The following ABTB3 variants were observed in gnomAD, a reference collection of about 807,000 sequenced individuals.
The protein encoded by ABTB3 is ankyrin repeat- and BTB/POZ domain-containing protein 3.
At chr12:107,599,600 C>T in the ABTB3 span, among the ~76,000 whole-genome samples, 2 of 152,258 alleles carry the variant, frequency 1.3e-5, no homozygotes, top group African/African-American at 2.4e-5. Context: ...CATTTCTCCC[C>T]GCTAGGTACC....
chr12:107,485,777 T>C, the ABTB3 span, among the ~76,000 whole-genome samples: 1 of 152,238 alleles, frequency 6.6e-6, no homozygotes, highest in African/African-American at 2.4e-5. Flanking sequence ...TAGTTGAAAT[T>C]ATTTTAGTGA....
At chr12:107,320,307 C>T in the ABTB3 span, among the ~76,000 whole-genome samples, 3 of 152,242 alleles carry the variant, frequency 2.0e-5, no homozygotes, top group South Asian at 6.2e-4. Flanking sequence ...GCGCGAGGTT[C>T]CGCCCCCGGT....
the ABTB3 span, among the ~76,000 whole-genome samples, chr12:107,335,338 G>A: frequency 2.5e-5 from 3 of 118,688 alleles, no homozygotes; most frequent in African/African-American, 9.0e-5. Context: ...CAGCAGCATC[G>A]ATGTACTTAT....
At chr12:107,421,930 A>T in the ABTB3 span, among the ~76,000 whole-genome samples, 1 of 152,242 alleles carries the variant, frequency 6.6e-6, no homozygotes, top group Non-Finnish European at 1.5e-5. Flanking sequence ...TCTTCTGGAC[A>T]CTGAGCTACA....
chr12:107,467,143 A>G, the ABTB3 span, among the ~76,000 whole-genome samples: 15 of 152,158 alleles, frequency 9.9e-5, no homozygotes, highest in Non-Finnish European at 5.9e-5. Context: ...TGTTGTTGGT[A>G]TAATGAGCTC....
chr12:107,568,275 G>T, the ABTB3 span, among the ~76,000 whole-genome samples: 14 of 152,176 alleles, frequency 9.2e-5, no homozygotes, highest in African/African-American at 3.1e-4. Flanking sequence ...TAAGCATTCT[G>T]CACAGGGCCT....
At chr12:107,457,265 T>C in the ABTB3 span, among the ~76,000 whole-genome samples, 1 of 152,300 alleles carries the variant, frequency 6.6e-6, no homozygotes. Flanking sequence ...TCATCTTTGA[T>C]GGTAATGGTT....
At chr12:107,318,444 C>T in the ABTB3 span, 1,622 of 153,640 alleles carry the variant, frequency 0.011, 23 homozygotes, top group African/African-American at 0.036. Flanking sequence ...GCCACGGCCG[C>T]TGCTGCGCTC....
chr12:107,533,786 C>T, the ABTB3 span, among the ~76,000 whole-genome samples: 2 of 152,174 alleles, frequency 1.3e-5, no homozygotes, highest in East Asian at 3.8e-4. Context: ...ATTTAACAGA[C>T]ATTATACAAC....
At chr12:107,657,965 G>A in the ABTB3 span, 1 of 543,548 alleles carries the variant, frequency 1.8e-6, no homozygotes. Context: ...AGCACCCCTA[G>A]GACCATTGAA....
At chr12:107,385,231 G>A in the ABTB3 span, among the ~76,000 whole-genome samples, 6 of 152,336 alleles carry the variant, frequency 3.9e-5, no homozygotes, top group East Asian at 1.2e-3. Flanking sequence ...GACACGAACA[G>A]GCTCTGTCCT....
At chr12:107,387,971 TC>T in the ABTB3 span, among the ~76,000 whole-genome samples, 313 of 115,460 alleles carry the variant, frequency 2.7e-3, 4 homozygotes, top group South Asian at 5.3e-3. Flanking sequence ...TTCTTCTTCT[TC>T]TTTTTTTTTT....
the ABTB3 span, among the ~76,000 whole-genome samples, chr12:107,569,799 G>A: frequency 6.6e-6 from 1 of 152,226 alleles, no homozygotes; most frequent in Admixed American, 6.5e-5. Flanking sequence ...TAGCCTGGAA[G>A]TAAAAAATCC....
chr12:107,357,843 ATGGTAGT>A, the ABTB3 span, among the ~76,000 whole-genome samples: 1 of 152,216 alleles, frequency 6.6e-6, no homozygotes, highest in Non-Finnish European at 1.5e-5. Flanking sequence ...AGGATGAGAG[ATGGTAGT>A]TGGTATTTCT....
At chr12:107,362,587 G>C in the ABTB3 span, among the ~76,000 whole-genome samples, 2 of 152,184 alleles carry the variant, frequency 1.3e-5, no homozygotes, top group African/African-American at 4.8e-5. Flanking sequence ...GAGGTCAGGA[G>C]TTTGAGACCA....
chr12:107,319,052 T>C, the ABTB3 span: 2 of 1,613,588 alleles, frequency 1.2e-6, no homozygotes, highest in African/African-American at 2.7e-5. Context: ...GTCTTTGTGC[T>C]GTTCCGACTC....
the ABTB3 span, among the ~76,000 whole-genome samples, chr12:107,528,205 G>A: frequency 6.6e-6 from 1 of 152,270 alleles, no homozygotes; most frequent in East Asian, 1.9e-4. Flanking sequence ...ATGATCCTGA[G>A]TCAGGTAGGT....
At chr12:107,534,467 A>C in the ABTB3 span, among the ~76,000 whole-genome samples, 1 of 152,124 alleles carries the variant, frequency 6.6e-6, no homozygotes, top group Non-Finnish European at 1.5e-5. Flanking sequence ...AAATAAATGA[A>C]ATAGAGACTA....
At chr12:107,399,129 T>A in the ABTB3 span, among the ~76,000 whole-genome samples, 1 of 152,214 alleles carries the variant, frequency 6.6e-6, no homozygotes. Context: ...ACCGTGTCTT[T>A]GAACACCAGA....
Sources: gnomAD v4.1 joint callset for allele counts (sites outside exome capture counted in the v4.1 genomes callset) on GRCh38, gnomAD v4.1.1 for gene constraint, MANE v1.5 for transcripts, NCBI Gene and HGNC (gene_info 2026-07-23, HGNC 2026-07-21) for gene names.